The following CHMP2B variants were observed in gnomAD, a reference collection of about 807,000 sequenced individuals.
The protein encoded by CHMP2B is charged multivesicular body protein 2B, also known as VPS2 homolog B.
CHMP2B carries 22 observed loss-of-function variants against 29.8 expected under a neutral mutation model. The observed-to-expected ratio is 0.74, with a 90% confidence interval of 0.53 to 1.05. The LOEUF (loss-of-function observed/expected upper bound fraction) is 1.05. Ranked by LOEUF, CHMP2B falls within the 50% of genes least tolerant of loss-of-function variation. The pLI is 0.00. For synonymous variants in CHMP2B, 78 were observed against 75.8 expected, an observed-to-expected ratio of 1.03 and a Z score of -0.15; for missense variants, 261 against 252.2, an observed-to-expected ratio of 1.03 and a Z score of -0.24.
Position 87,227,549 on chromosome 3 carries a change from C to T in CHMP2B, c.27C>T (p.Thr9=), listed in dbSNP as rs2279720. 136,409 of 1,614,034 alleles carry T rather than the reference C, an allele frequency of 0.085. 6,606 individuals are homozygous for T. Among genetic ancestry groups the T allele is most frequent in the East Asian group, 0.23 (10,361 of 44,818 alleles). The change falls in exon 1 of 6, where the codon ACC becomes ACT. Residue 9 remains threonine (T), a synonymous_variant. Transcript: ENST00000263780. ...TGGCGTCCCTCTTCAAGAAGAAAAC[C>T]GTGGATGGTGAGTTCCAGGCCGGGC... is the stretch of plus-strand genomic sequence containing the variant. MASLFKKK[T]VDDVIKEQNR...
intron 1 of CHMP2B, among the ~76,000 whole-genome samples, chr3:87,231,250 A>C (rs1458301031): frequency 6.6e-6 from 1 of 152,162 alleles, no homozygotes; most frequent in East Asian, 1.9e-4. Flanking sequence ...TCAAGACCCC[A>C]AACAGAACTC....
At chr3:87,241,168 ATT>A (rs1267907685) in intron 2 of CHMP2B, among the ~76,000 whole-genome samples, 2 of 152,194 alleles carry the variant, frequency 1.3e-5, no homozygotes, top group African/African-American at 4.8e-5. Context: ...CTTGCTTGAT[ATT>A]TTAAAGATCG....
At chr3:87,230,451 T>A (rs181964452) in intron 1 of CHMP2B, among the ~76,000 whole-genome samples, 2 of 152,334 alleles carry the variant, frequency 1.3e-5, no homozygotes, top group Non-Finnish European at 2.9e-5. Flanking sequence ...ATTATTACTT[T>A]TTTCTTATTA....
rs1477346682 is a variant in CHMP2B, at chr3:87,250,043, A to G, written c.424+66A>G. On this transcript the variant is annotated intron_variant, in intron 4 of 5. Coordinates refer to ENST00000263780, the MANE Select transcript of CHMP2B (RefSeq NM_014043.4). Reference sequence around the variant, plus strand: ...TCTTTGAATTAGCCATTTATTTACTATGTCTCATATTCTCATTCACGAAGG... The same window carrying G: ...TCTTTGAATTAGCCATTTATTTACTGTGTCTCATATTCTCATTCACGAAGG... 86 of 930,694 alleles carry G rather than the reference A, an allele frequency of 9.2e-5. No homozygotes were observed. The East Asian group carries it at 2.0e-3, about 21-fold the overall frequency. The allele number at this position is 930,694 out of a possible 1,614,324, so 57.7% of individuals were successfully genotyped here. A position where few individuals can be genotyped will look rare whatever the true frequency, so the allele number is the denominator to read the frequency against.
intron 1 of CHMP2B, among the ~76,000 whole-genome samples, chr3:87,232,798 A>C (rs1705931893): frequency 6.6e-6 from 1 of 152,124 alleles, no homozygotes; most frequent in African/African-American, 2.4e-5. Flanking sequence ...TCTGAACTGC[A>C]GTTTTATTGA....
chr3:87,249,544 A>G (rs971209454), intron 3 of CHMP2B, among the ~76,000 whole-genome samples: 2 of 151,668 alleles, frequency 1.3e-5, no homozygotes, highest in Admixed American at 1.3e-4. Context: ...ATTTATTGAC[A>G]TTACCTACTT....
Position 87,253,937 on chromosome 3 carries a change from ATGAGTGAACAGT to A in CHMP2B, c.*118_*129del, listed in dbSNP as rs1706359013. 1 of 705,126 alleles carries A rather than the reference ATGAGTGAACAGT, an allele frequency of 1.4e-6. No individual in the cohort carries two copies. The highest frequency in any genetic ancestry group is 2.4e-6 in the Non-Finnish European group (1 of 411,784). 43.7% of individuals were successfully genotyped at this position (705,126 alleles called of 1,614,324 possible). A position where few individuals can be genotyped will look rare whatever the true frequency, so the allele number is the denominator to read the frequency against. ...TGCAAAAAAAAAAAAAATGAAGACC[ATGAGTGAACAGT>A]TGTTTCCTAACCCATGGCTATTTAG... is the stretch of plus-strand genomic sequence containing the variant. On this transcript the variant is annotated 3_prime_UTR_variant, in exon 6 of 6. Coordinates refer to ENST00000263780, the MANE Select transcript of CHMP2B (RefSeq NM_014043.4).
intron 1 of CHMP2B, among the ~76,000 whole-genome samples, chr3:87,232,570 A>C (rs1705928611): frequency 6.6e-6 from 1 of 152,182 alleles, no homozygotes; most frequent in African/African-American, 2.4e-5. Flanking sequence ...GCATTTTCTT[A>C]GAAAAACATT....
chr3:87,237,741 G>A (rs1706041266), intron 1 of CHMP2B, among the ~76,000 whole-genome samples: 1 of 152,068 alleles, frequency 6.6e-6, no homozygotes, highest in African/African-American at 2.4e-5. Context: ...AAAGAAATGT[G>A]TTTAATTTTT....
Position 87,242,386 on chromosome 3 carries a change from T to C in CHMP2B, c.126+1596T>C, listed in dbSNP as rs1433989531. ...ATTAGGTCAAATTGGTGATAGTGTT[T>C]TCTAAGTCTTCTGTATCATTGCAGA... On this transcript the variant is annotated intron_variant, in intron 2 of 5. Transcript: ENST00000263780. Among the ~76,000 whole-genome samples the C allele has an allele frequency of 2.6e-5, 4 of 152,254 alleles. No homozygotes were observed. In the East Asian group the frequency reaches 7.7e-4, roughly 29 times the overall value.
chr3:87,253,342 G>T (rs933477221), intron 4 of CHMP2B, 62 bp from the exon 5 acceptor site: 1 of 951,438 alleles, frequency 1.1e-6, no homozygotes, highest in South Asian at 1.3e-5. Context: ...CTGTAAATAT[G>T]TAAGTCTAAC....
In CHMP2B at chr3:87,245,968, A is replaced by G. The variant is rs543272101; in HGVS notation, c.321+60A>G. On this transcript the variant is annotated intron_variant, in intron 3 of 5. Transcript: ENST00000263780. ...TTTTATCAACGATATTTAAATATCA[A>G]TATTGAAAGCAGATTTAAAAGCACC... 2.9e-6 allele frequency: 4 copies of G among 1,402,268 alleles called. No homozygotes were observed. The African/African-American group carries it at 5.7e-5, about 20-fold the overall frequency. 86.9% of individuals were successfully genotyped at this position (1,402,268 alleles called of 1,614,324 possible).
At chr3:87,246,007 G>C (rs1706205896) in intron 3 of CHMP2B, 99 bp downstream of exon 3, 1 of 921,728 alleles carries the variant, frequency 1.1e-6, no homozygotes, top group African/African-American at 1.7e-5. Flanking sequence ...TGGTGTATAT[G>C]TGATACAAAA....
rs1290951790 is a variant in CHMP2B, at chr3:87,228,935, G to A, written c.34+1379G>A. Among the ~76,000 whole-genome samples, 5 of 151,982 alleles carry A rather than the reference G, an allele frequency of 3.3e-5. 1 individual carries two copies. Among genetic ancestry groups the A allele is most frequent in the Admixed American group, 2.6e-4 (4 of 15,240 alleles). ...CTTATTTTACAGTACTCCAGGGAGT[G>A]GGGGTGGGGGAACGATTTATTTTCT... On this transcript the variant is annotated intron_variant, in intron 1 of 5. Transcript: ENST00000263780.
chr3:87,232,101 C>A (rs559542784), intron 1 of CHMP2B, among the ~76,000 whole-genome samples: 1 of 152,256 alleles, frequency 6.6e-6, no homozygotes, highest in South Asian at 2.1e-4. Context: ...GAGTCTGGAT[C>A]CACACTTTGC....
chr3:87,232,784 GT>G (rs1272887917), intron 1 of CHMP2B, among the ~76,000 whole-genome samples: 3 of 152,110 alleles, frequency 2.0e-5, no homozygotes, highest in Non-Finnish European at 2.9e-5. Context: ...TGCTTTGACA[GT>G]TTTCTGAACT....
intron 1 of CHMP2B, chr3:87,240,240 TA>T (rs1290848429): frequency 6.5e-6 from 1 of 153,522 alleles, no homozygotes; most frequent in Non-Finnish European, 1.4e-5. Flanking sequence ...TTTTAATATT[TA>T]ATTTTTTAGC....
intron 1 of CHMP2B, among the ~76,000 whole-genome samples, chr3:87,233,008 A>G (rs1355979155): frequency 6.6e-6 from 1 of 152,142 alleles, no homozygotes; most frequent in Non-Finnish European, 1.5e-5. Flanking sequence ...TTGCTACCGC[A>G]TATGCTACTG....
chr3:87,229,005 G>C (rs1705861027), intron 1 of CHMP2B, among the ~76,000 whole-genome samples: 1 of 151,712 alleles, frequency 6.6e-6, no homozygotes, highest in African/African-American at 2.4e-5. Context: ...TTGTTGTTTA[G>C]TTTTATATAG....
Sources: gnomAD v4.1 joint callset for allele counts (sites outside exome capture counted in the v4.1 genomes callset) on GRCh38, gnomAD v4.1.1 for gene constraint, MANE v1.5 for transcripts, NCBI Gene and HGNC (gene_info 2026-07-23, HGNC 2026-07-21) for gene names.